AKAP6: variants seen among roughly 807,000 people sequenced by gnomAD.
The protein encoded by AKAP6 is A-kinase anchoring protein 6.
AKAP6 carries 58 observed loss-of-function variants against 188.5 expected under a neutral mutation model. The observed-to-expected ratio is 0.31, with a 90% CI of 0.25 to 0.38. The LOEUF is 0.38. AKAP6 is among the 10% of genes least tolerant of loss of function. The probability of loss-of-function intolerance (pLI) is 1.00; values close to 1 mark genes in which losing one functional copy is unlikely to be tolerated. For synonymous variants in AKAP6, 989 were observed against 998.6 expected, an observed-to-expected ratio of 0.99 and a Z score of 0.18; for missense variants, 2,710 against 2,740.0, an observed-to-expected ratio of 0.99 and a Z score of 0.24.
At chr14:32,443,521 C>T (rs1037291572) in intron 2 of AKAP6, among the ~76,000 whole-genome samples, 1 of 152,206 alleles carries the variant, frequency 6.6e-6, no homozygotes, top group Admixed American at 6.5e-5. Context: ...TTTAAAGACT[C>T]CCCAGGTGAT....
chr14:32,376,993 C>G (rs1888178971), intron 1 of AKAP6, among the ~76,000 whole-genome samples: 1 of 152,166 alleles, frequency 6.6e-6, no homozygotes, highest in Non-Finnish European at 1.5e-5. Flanking sequence ...CCGCGCCCAG[C>G]CTGCAGGTTT....
intron 1 of AKAP6, among the ~76,000 whole-genome samples, chr14:32,349,844 G>A (rs951722550): frequency 1.3e-5 from 2 of 152,142 alleles, no homozygotes; most frequent in Admixed American, 1.3e-4. Context: ...GTGTTAGTGA[G>A]TATCATGTAG....
At chr14:32,560,678 A>G (rs1158372784) in intron 4 of AKAP6, among the ~76,000 whole-genome samples, 1 of 152,216 alleles carries the variant, frequency 6.6e-6, no homozygotes, top group Non-Finnish European at 1.5e-5. Flanking sequence ...ATGAAACTCA[A>G]AAGATGGATA....
intron 7 of AKAP6, among the ~76,000 whole-genome samples, chr14:32,633,692 C>A (rs1223860609): frequency 2.0e-5 from 3 of 152,104 alleles, no homozygotes; most frequent in Non-Finnish European, 2.9e-5. Flanking sequence ...ACCCGCAACC[C>A]ACTCACAGCC....
Position 32,836,545 on chromosome 14 carries a change from A to G in AKAP6, c.*6740A>G, listed in dbSNP as rs935917239. On this transcript the variant is annotated 3_prime_UTR_variant, in exon 14 of 14. Transcript: ENST00000280979. Reference sequence around the variant, plus strand: ...TGCCAAACATTAGTAAACAATTTCCAGTGAATACTCTGCCCCATTCTCTCC... The same window carrying G: ...TGCCAAACATTAGTAAACAATTTCCGGTGAATACTCTGCCCCATTCTCTCC... 6.6e-6 allele frequency: 1 copy of G among 152,146 alleles called. No homozygotes were observed. 9.4% of individuals were successfully genotyped at this position (152,146 alleles called of 1,614,324 possible).
intron 9 of AKAP6, among the ~76,000 whole-genome samples, chr14:32,725,562 G>A (rs368602201): frequency 6.6e-5 from 10 of 152,116 alleles, no homozygotes; most frequent in African/African-American, 2.4e-4. Context: ...TTACATCAGA[G>A]TTGCAGACTA....
intron 2 of AKAP6, among the ~76,000 whole-genome samples, chr14:32,460,857 A>G (rs1891299404): frequency 6.6e-6 from 1 of 152,232 alleles, no homozygotes; most frequent in Non-Finnish European, 1.5e-5. Context: ...GTCTGAGGTC[A>G]GTCTGGGACT....
intron 2 of AKAP6, among the ~76,000 whole-genome samples, chr14:32,481,396 G>A (rs1879333964): frequency 6.6e-6 from 1 of 152,126 alleles, no homozygotes; most frequent in Admixed American, 6.6e-5. Context: ...GTCTTATGCT[G>A]CTAATAAAGA....
chr14:32,622,436 C>T (rs1886851885), intron 7 of AKAP6, among the ~76,000 whole-genome samples: 1 of 151,532 alleles, frequency 6.6e-6, no homozygotes, highest in Non-Finnish European at 1.5e-5. Context: ...AATTACAGAC[C>T]TAGATAATTG....
intron 2 of AKAP6, among the ~76,000 whole-genome samples, chr14:32,453,152 G>T (rs1890993814): frequency 6.6e-6 from 1 of 152,154 alleles, no homozygotes; most frequent in Non-Finnish European, 1.5e-5. Flanking sequence ...TTCCATTCAA[G>T]GACATTTAGA....
rs534321949 is a variant in AKAP6 at position 32,569,970 on chromosome 14, G to A, written c.2347-7150G>A. Among the ~76,000 whole-genome samples the A allele has an allele frequency of 6.9e-4, 105 of 152,120 alleles. 1 individual carries two copies. The South Asian group carries it at 9.8e-3, about 14-fold the overall frequency. ...GTGATGCCCTCCAGATCCACTGGTC[G>A]GGTAGCTGGGTGGTGAAATTCTTGC... On this transcript the variant is annotated intron_variant, in intron 4 of 13. Coordinates refer to ENST00000280979, the MANE Select transcript of AKAP6 (RefSeq NM_004274.5).
chr14:32,671,046 G>C (rs1594831554), intron 7 of AKAP6, among the ~76,000 whole-genome samples: 1 of 152,130 alleles, frequency 6.6e-6, no homozygotes, highest in Admixed American at 6.6e-5. Flanking sequence ...ACTGAGGGAA[G>C]ATGGACAATA....
intron 8 of AKAP6, among the ~76,000 whole-genome samples, chr14:32,690,898 C>A (rs1234885415): frequency 6.6e-6 from 1 of 152,118 alleles, no homozygotes; most frequent in Admixed American, 6.5e-5. Context: ...AAAAAGAATA[C>A]ATTTTGGTTA....
intron 11 of AKAP6, among the ~76,000 whole-genome samples, chr14:32,761,986 G>A (rs1323338808): frequency 6.6e-6 from 1 of 152,114 alleles, no homozygotes; most frequent in Non-Finnish European, 1.5e-5. Context: ...CACAGTGGGT[G>A]TTGTAAATAG....
intron 1 of AKAP6, among the ~76,000 whole-genome samples, chr14:32,396,137 G>A (rs1888871199): frequency 6.6e-6 from 1 of 152,140 alleles, no homozygotes; most frequent in African/African-American, 2.4e-5. Context: ...GAGGGAGAAT[G>A]ATGGGAGGAG....
chr14:32,628,212 T>A (rs1195569298), intron 7 of AKAP6: 1 of 152,114 alleles, frequency 6.6e-6, no homozygotes, highest in African/African-American at 2.4e-5. Flanking sequence ...AGGTCAGTTA[T>A]CTGGTGGTAA....
chr14:32,381,627 G>T (rs1888364151), intron 1 of AKAP6, among the ~76,000 whole-genome samples: 1 of 152,166 alleles, frequency 6.6e-6, no homozygotes, highest in African/African-American at 2.4e-5. Context: ...CTAGGAGACA[G>T]TGAAGTTTAC....
intron 7 of AKAP6, among the ~76,000 whole-genome samples, chr14:32,608,594 A>C (rs988643657): frequency 6.6e-6 from 1 of 152,282 alleles, no homozygotes; most frequent in East Asian, 1.9e-4. Flanking sequence ...GCTCAGCAAG[A>C]ATCTGGGAGT....
At chr14:32,469,698 T>A (rs1878663708) in intron 2 of AKAP6, among the ~76,000 whole-genome samples, 1 of 141,106 alleles carries the variant, frequency 7.1e-6, no homozygotes, top group Non-Finnish European at 1.5e-5. Context: ...AGATCTGATA[T>A]TTTTAATGTC....
Sources: gnomAD v4.1 joint callset for allele counts (sites outside exome capture counted in the v4.1 genomes callset) on GRCh38, gnomAD v4.1.1 for gene constraint, MANE v1.5 for transcripts, NCBI Gene and HGNC (gene_info 2026-07-23, HGNC 2026-07-21) for gene names.